Variants in CREBRF observed in about 807,000 individuals in gnomAD.
CREBRF encodes the protein CREB3 regulatory factor, also known as UPF0474 protein C5orf41.
CREBRF carries 5 observed loss-of-function variants against 66.1 expected under a neutral mutation model. That is an observed-to-expected ratio of 0.08 (90% CI 0.04 to 0.16). The LOEUF is 0.16. Among genes scored for constraint, CREBRF ranks in the 10% least tolerant of loss-of-function variants. The pLI, the probability that CREBRF is intolerant of heterozygous loss-of-function variation, is 1.00. For missense variants in CREBRF, 531 were observed against 744.9 expected, an observed-to-expected ratio of 0.71 and a Z score of 3.34; for synonymous variants, 229 against 264.4, an observed-to-expected ratio of 0.87 and a Z score of 1.30.
At chr5:173,113,248 A>G (rs868767177) in intron 7 of CREBRF, among the ~76,000 whole-genome samples, 5 of 150,884 alleles carry the variant, frequency 3.3e-5, no homozygotes, top group Middle Eastern at 3.5e-3. Flanking sequence ...GCCCACCTCA[A>G]CCTCCCAAAG....
chr5:173,101,758 C>T (rs1215119694), intron 4 of CREBRF, among the ~76,000 whole-genome samples: 1 of 152,060 alleles, frequency 6.6e-6, no homozygotes, highest in African/African-American at 2.4e-5. Context: ...CCATGTTGGT[C>T]AGGCTGGTCT....
At position 173,138,640 on chromosome 5, in the gene CREBRF, T is replaced by C. The variant is rs1759642477; in HGVS notation, c.*4895T>C. On this transcript the variant is annotated 3_prime_UTR_variant, in exon 9 of 9. Transcript: ENST00000296953. ...CTCTTTCATAACAATGTAAACACAA[T>C]GGTGTAGTTAATTAAATTCTGGGTG... 6.6e-6 allele frequency: 1 copy of C among 152,172 alleles called. No individual in the cohort carries two copies. The highest frequency in any genetic ancestry group is 1.5e-5 in the Non-Finnish European group (1 of 68,026). 9.4% of individuals were successfully genotyped at this position (152,172 alleles called of 1,614,324 possible).
intron 7 of CREBRF, among the ~76,000 whole-genome samples, chr5:173,121,435 G>C (rs997394247): frequency 2.6e-5 from 4 of 151,474 alleles, no homozygotes; most frequent in African/African-American, 9.7e-5. Context: ...CTATTCTCCT[G>C]CCTCAGCCTC....
chr5:173,128,878 T>C (rs992349766), intron 8 of CREBRF, among the ~76,000 whole-genome samples: 4 of 151,366 alleles, frequency 2.6e-5, no homozygotes, highest in Non-Finnish European at 4.4e-5. Context: ...CCTCCCGGGC[T>C]CACACCATTC....
chr5:173,126,956 G>T (rs1408528807), intron 8 of CREBRF, among the ~76,000 whole-genome samples: 2 of 152,130 alleles, frequency 1.3e-5, no homozygotes, highest in Non-Finnish European at 2.9e-5. Context: ...GGAGGCTGAG[G>T]TGGGAGGATC....
intron 1 of CREBRF, among the ~76,000 whole-genome samples, chr5:173,064,452 CG>C (rs1205987874): frequency 5.9e-5 from 9 of 151,982 alleles, no homozygotes; most frequent in African/African-American, 1.9e-4. Flanking sequence ...GGCACGATCA[CG>C]GCTCACTGCA....
At chr5:173,107,957 G>A (rs1407492910) in intron 4 of CREBRF, among the ~76,000 whole-genome samples, 1 of 150,846 alleles carries the variant, frequency 6.6e-6, no homozygotes, top group Non-Finnish European at 1.5e-5. Flanking sequence ...TGTGCCTCCC[G>A]AGTAGCTGGG....
intron 1 of CREBRF, among the ~76,000 whole-genome samples, chr5:173,076,584 T>G (rs1392141763): frequency 3.3e-5 from 5 of 151,646 alleles, no homozygotes; most frequent in Non-Finnish European, 7.4e-5. Context: ...AAACCGGTCT[T>G]TACTAAAAAT....
intron 1 of CREBRF, chr5:173,057,736 C>T (rs1757118166): frequency 6.6e-6 from 1 of 151,802 alleles, no homozygotes; most frequent in South Asian, 2.1e-4. Flanking sequence ...AGATAAGAGA[C>T]AGGCAGTGAA....
At position 173,091,175 on chromosome 5, in the gene CREBRF, A is replaced by T. The variant is rs1276831142; in HGVS notation, c.996A>T (p.Lys332Asn). ...CAGTCTCAGATTCATCCCAGAAAAA[A>T]GAAGAGCACAATTATTCTCTTTTTG... ...STSVSDSSQK[K>N]EEHNYSLFVS... is the part of the protein sequence containing the mutation. Residue 332 changes from lysine to asparagine, a missense_variant, in exon 4 of 9, where the codon AAA becomes AAT. Lys to Asn is a moderately conservative substitution (Grantham distance 94, BLOSUM62 0). Around this residue, in one of 5 missense-constraint regions of CREBRF, gnomAD observed 309 missense variants for 341.4 expected, o/e 0.90. Coordinates refer to ENST00000296953, the MANE Select transcript of CREBRF (RefSeq NM_153607.3). The T allele has an allele frequency of 6.2e-7, 1 of 1,614,212 alleles. No individual in the cohort carries two copies. Among genetic ancestry groups the T allele is most frequent in the Non-Finnish European group, 8.5e-7 (1 of 1,180,030 alleles).
intron 1 of CREBRF, among the ~76,000 whole-genome samples, chr5:173,062,058 C>T (rs1757288475): frequency 6.6e-6 from 1 of 152,146 alleles, no homozygotes; most frequent in Admixed American, 6.5e-5. Flanking sequence ...CAGATAATCT[C>T]AGTTTATTAA....
chr5:173,099,166 A>AT (rs1265337255), intron 4 of CREBRF, among the ~76,000 whole-genome samples: 2 of 151,314 alleles, frequency 1.3e-5, no homozygotes, highest in African/African-American at 4.9e-5. Flanking sequence ...CATCCTTTTT[A>AT]TTTTTTTGAG....
chr5:173,120,721 G>T (rs1442271594), intron 7 of CREBRF, among the ~76,000 whole-genome samples: 1 of 80,602 alleles, frequency 1.2e-5, no homozygotes, highest in Non-Finnish European at 2.3e-5. Context: ...TTGAGATGGA[G>T]TCTTGCTTGT....
chr5:173,114,704 A>T (rs1758943356), intron 7 of CREBRF, among the ~76,000 whole-genome samples: 1 of 152,068 alleles, frequency 6.6e-6, no homozygotes, highest in Non-Finnish European at 1.5e-5. Flanking sequence ...ATCCCACCAA[A>T]CTTCCTTCTA....
At chr5:173,056,527 G>C (rs1372848680) in intron 1 of CREBRF, 48 bp downstream of exon 1, 1 of 398,176 alleles carries the variant, frequency 2.5e-6, no homozygotes, top group Non-Finnish European at 4.4e-6. Context: ...CCTGGGCTGG[G>C]GGAAGAGCGG....
intron 4 of CREBRF, among the ~76,000 whole-genome samples, chr5:173,107,944 G>T (rs1021805228): frequency 2.7e-5 from 4 of 148,434 alleles, no homozygotes; most frequent in Non-Finnish European, 5.9e-5. Context: ...TGATTCTCAT[G>T]TCTGTGCCTC....
intron 6 of CREBRF, among the ~76,000 whole-genome samples, chr5:173,111,783 A>G (rs1425352942): frequency 2.6e-5 from 4 of 152,250 alleles, no homozygotes; most frequent in South Asian, 2.1e-4. Flanking sequence ...CCAAGCATAT[A>G]TGCTTATAAG....
At chr5:173,091,636 T>A in intron 4 of CREBRF, 1 of 1,211,354 alleles carries the variant, frequency 8.3e-7, no homozygotes, top group Non-Finnish European at 1.0e-6. Context: ...TTTTTATTAT[T>A]TTATTTCTTA....
At chr5:173,118,750 A>G (rs1186432321) in intron 7 of CREBRF, among the ~76,000 whole-genome samples, 1 of 149,014 alleles carries the variant, frequency 6.7e-6, no homozygotes, top group East Asian at 2.0e-4. Flanking sequence ...TTTTTTAAAT[A>G]GAGACAGGGC....
Sources: gnomAD v4.1 joint callset for allele counts (sites outside exome capture counted in the v4.1 genomes callset) on GRCh38, gnomAD v4.1.1 for gene constraint, gnomAD v4.1.1 regional missense constraint, MANE v1.5 for transcripts, NCBI Gene and HGNC (gene_info 2026-07-23, HGNC 2026-07-21) for gene names.